CLIP4: variants seen among roughly 807,000 people sequenced by gnomAD.
CLIP4 encodes the protein CAP-Gly domain-containing linker protein 4.
CLIP4 carries 47 observed loss-of-function variants against 73.1 expected under a neutral mutation model. The ratio of observed to expected loss-of-function variants is 0.64; its 90% confidence interval spans 0.51 to 0.82. The LOEUF (loss-of-function observed/expected upper bound fraction) is 0.82. CLIP4 is among the 40% of genes least tolerant of loss of function. The pLI is 0.00. For synonymous variants in CLIP4, 306 were observed against 295.4 expected (o/e 1.04, Z -0.37); for missense variants, 874 against 852.9 (o/e 1.02, Z -0.31).
intron 14 of CLIP4, among the ~76,000 whole-genome samples, chr2:29,173,659 T>A (rs1043796932): frequency 2.0e-5 from 3 of 152,210 alleles, no homozygotes; most frequent in Non-Finnish European, 4.4e-5. Flanking sequence ...AGTTTTAAAC[T>A]AAAATTGTGT....
At chr2:29,117,327 C>T (rs1663926413) in intron 1 of CLIP4, among the ~76,000 whole-genome samples, 1 of 151,238 alleles carries the variant, frequency 6.6e-6, no homozygotes, top group African/African-American at 2.4e-5. Flanking sequence ...TTTTCTCTCT[C>T]TCTTTTTTTT....
At chr2:29,170,311 A>G (rs1386349047) in intron 14 of CLIP4, among the ~76,000 whole-genome samples, 1 of 152,096 alleles carries the variant, frequency 6.6e-6, no homozygotes, top group Non-Finnish European at 1.5e-5. Flanking sequence ...TTCTATTTTT[A>G]GTTTTTTGAA....
chr2:29,179,293 A>G (rs1668520417), intron 15 of CLIP4, among the ~76,000 whole-genome samples: 1 of 152,198 alleles, frequency 6.6e-6, no homozygotes, highest in Non-Finnish European at 1.5e-5. Context: ...TTTCTAGAAT[A>G]TGTTTTCTAT....
At chr2:29,148,491 G>A (rs1285490973) in intron 8 of CLIP4, among the ~76,000 whole-genome samples, 1 of 152,024 alleles carries the variant, frequency 6.6e-6, no homozygotes, top group African/African-American at 2.4e-5. Flanking sequence ...TTTAATAATT[G>A]CCAAAGTGAA....
intron 8 of CLIP4, among the ~76,000 whole-genome samples, chr2:29,146,946 A>G (rs1435088768): frequency 5.3e-5 from 8 of 152,222 alleles, no homozygotes; most frequent in Non-Finnish European, 8.8e-5. Context: ...GTTTCCTTTC[A>G]TCACACACTT....
chr2:29,171,764 C>T (rs1276723519), intron 14 of CLIP4, among the ~76,000 whole-genome samples: 14 of 151,938 alleles, frequency 9.2e-5, no homozygotes, highest in Admixed American at 2.6e-4. Context: ...GTGATCTGCC[C>T]GCCTCGGCCT....
chr2:29,139,290 T>C (rs1051266851), intron 6 of CLIP4, among the ~76,000 whole-genome samples: 5 of 152,196 alleles, frequency 3.3e-5, no homozygotes, highest in African/African-American at 1.2e-4. Context: ...TTTGTTTATG[T>C]GGTGAATCAC....
chr2:29,166,316 T>TC lies in CLIP4; in HGVS notation c.1659-1154dup, dbSNP rs569750123. 6.6e-5 allele frequency among the ~76,000 whole-genome samples: 10 copies of TC among 152,024 alleles called. 1 individual carries two copies. In the South Asian group the frequency reaches 1.0e-3, roughly 16 times the overall value. On this transcript the variant is annotated intron_variant, in intron 13 of 15. Transcript: ENST00000320081. ...CCTTCTCAGGACTATGGCTGGCCTT[T>TC]CCCCCCACCCCTTTCTGTTTGTAAA...
At chr2:29,106,150 G>A (rs1668201511) in intron 1 of CLIP4, among the ~76,000 whole-genome samples, 1 of 151,454 alleles carries the variant, frequency 6.6e-6, no homozygotes, top group Admixed American at 6.6e-5. Flanking sequence ...TCTTGGATAA[G>A]TTACTTAACT....
At chr2:29,176,063 G>T (rs1343837669) in intron 15 of CLIP4, among the ~76,000 whole-genome samples, 1 of 152,166 alleles carries the variant, frequency 6.6e-6, no homozygotes, top group East Asian at 1.9e-4. Flanking sequence ...ACCCGGCTGA[G>T]AATAAACTTT....
chr2:29,171,084 C>T (rs1391884007), intron 14 of CLIP4, among the ~76,000 whole-genome samples: 1 of 152,108 alleles, frequency 6.6e-6, no homozygotes, highest in African/African-American at 2.4e-5. Flanking sequence ...TATTCTAGGC[C>T]TTTCACCTGT....
chr2:29,102,245 AC>A lies in CLIP4; in HGVS notation c.-16+4299del, dbSNP rs1317240198. Among the ~76,000 whole-genome samples the A allele has an allele frequency of 3.9e-5, 6 of 152,146 alleles. No homozygotes were observed. In the East Asian group the frequency reaches 1.2e-3, roughly 29 times the overall value. ...TATTTTTCTTTCTTGGTCTTAGTTAACTTATCTCAACAGGCGTCTCTAGATT... is the reference window on the plus strand; with the variant it reads ...TATTTTTCTTTCTTGGTCTTAGTTAATTATCTCAACAGGCGTCTCTAGATT... On this transcript the variant is annotated intron_variant, in intron 1 of 14. Coordinates refer to the CLIP4 transcript ENST00000401605.
chr2:29,161,577 A>G (rs1416569843), intron 12 of CLIP4, among the ~76,000 whole-genome samples: 1 of 152,096 alleles, frequency 6.6e-6, no homozygotes, highest in Non-Finnish European at 1.5e-5. Flanking sequence ...GAGACAAAGC[A>G]CTCTAGTACT....
chr2:29,143,225 C>T (rs999526941), intron 6 of CLIP4, among the ~76,000 whole-genome samples: 17 of 152,222 alleles, frequency 1.1e-4, no homozygotes, highest in South Asian at 2.1e-4. Context: ...ACCTGAGCAC[C>T]GCTCCCCACA....
chr2:29,169,112 A>G (rs1667830250), intron 14 of CLIP4, among the ~76,000 whole-genome samples: 1 of 152,058 alleles, frequency 6.6e-6, no homozygotes, highest in Non-Finnish European at 1.5e-5. Context: ...TTAATTTGGA[A>G]TTTTCTAAGG....
At chr2:29,137,175 C>T (rs566444171) in intron 6 of CLIP4, among the ~76,000 whole-genome samples, 2 of 152,220 alleles carry the variant, frequency 1.3e-5, no homozygotes, top group Non-Finnish European at 1.5e-5. Context: ...CTCCTTCCCT[C>T]CCACACTCCC....
At position 29,143,777 on chromosome 2, in the gene CLIP4, C is replaced by T. The variant is rs115153920; in HGVS notation, c.717C>T (p.Asp239=). The T allele has an allele frequency of 6.6e-4, 1,059 of 1,613,806 alleles. 6 individuals carry two copies. The African/African-American group carries it at 0.013, about 19-fold the overall frequency. ...TAGATATGCCGTTAGAGATGGCTGA[C>T]GCCGCAGCCACTGCTAAGGAAATCA... is the stretch of plus-strand genomic sequence containing the variant. ...DPVDMPLEMA[D]AAATAKEIKQ... is the part of the protein sequence containing the mutation. Residue 239 remains aspartate, a synonymous_variant, in exon 7 of 16, where the codon GAC becomes GAT. Coordinates refer to ENST00000320081, the MANE Select transcript of CLIP4 (RefSeq NM_024692.6).
chr2:29,103,366 T>A lies in CLIP4; in HGVS notation c.-16+5419T>A, dbSNP rs184269112. Reference sequence around the variant, plus strand: ...CCAATTTTCTCTGATCTCCTTTTTTTAGTTTCTAAAACACCCAATTTAGTC... The same window carrying A: ...CCAATTTTCTCTGATCTCCTTTTTTAAGTTTCTAAAACACCCAATTTAGTC... On this transcript the variant is annotated intron_variant, in intron 1 of 14. Coordinates refer to the CLIP4 transcript ENST00000401605. 1.9e-4 allele frequency among the ~76,000 whole-genome samples: 29 copies of A among 152,040 alleles called. No homozygotes were observed. In the East Asian group the frequency reaches 5.2e-3, roughly 27 times the overall value.
In CLIP4 at chr2:29,132,306, A is replaced by G. The variant is rs549775636; in HGVS notation, c.367+61A>G. 1.2e-5 allele frequency: 16 copies of G among 1,329,842 alleles called. No individual in the cohort carries two copies. The East Asian group carries it at 3.7e-4, about 31-fold the overall frequency. The allele number at this position is 1,329,842 out of a possible 1,614,324, so 82.4% of individuals were successfully genotyped here. Reference sequence around the variant, plus strand: ...ATCTGCACTTGTGCTTAGATAATCTATATTTATGCCCATATATTGTCTGGG... The same window carrying G: ...ATCTGCACTTGTGCTTAGATAATCTGTATTTATGCCCATATATTGTCTGGG... On this transcript the variant is annotated intron_variant, in intron 4 of 15. Coordinates refer to ENST00000320081, the MANE Select transcript of CLIP4 (RefSeq NM_024692.6).
Sources: gnomAD v4.1 joint callset for allele counts (sites outside exome capture counted in the v4.1 genomes callset) on GRCh38, gnomAD v4.1.1 for gene constraint, MANE v1.5 for transcripts, NCBI Gene and HGNC (gene_info 2026-07-23, HGNC 2026-07-21) for gene names.